The following NHS variants were observed in gnomAD, a reference collection of about 807,000 sequenced individuals.
NHS encodes the protein NHS actin remodeling regulator.
Under a neutral mutation model 72.5 loss-of-function variants are expected in NHS, and 5 were observed. The observed-to-expected ratio is 0.07, with a 90% CI of 0.04 to 0.14. The LOEUF (loss-of-function observed/expected upper bound fraction) is 0.14. Ranked by LOEUF, NHS falls within the 10% of genes least tolerant of loss-of-function variation. NHS has a pLI of 1.00. For synonymous variants in NHS, 464 were observed against 547.7 expected (o/e 0.85, Z 2.13); for missense variants, 1,072 against 1,355.7 (o/e 0.79, Z 3.29).
intron 1 of NHS, among the ~76,000 whole-genome samples, chrX:17,429,768 T>G (rs1364460936): frequency 9.0e-6 from 1 of 111,459 alleles, no homozygotes; most frequent in East Asian, 2.8e-4. Context: ...GCTGAGTTGC[T>G]GTTAGCATTA....
chrX:17,563,574 A>G (rs1391511373), intron 1 of NHS, among the ~76,000 whole-genome samples: 6 of 112,507 alleles, frequency 5.3e-5, no homozygotes, highest in Non-Finnish European at 9.4e-5. Flanking sequence ...GATGAAAGGT[A>G]TTGAAGAGGA....
chrX:17,469,192 C>T (rs1212872384), intron 1 of NHS, among the ~76,000 whole-genome samples: 2 of 111,788 alleles, frequency 1.8e-5, no homozygotes, highest in Non-Finnish European at 3.8e-5. Context: ...GTGAATAGAC[C>T]ACAATGTATT....
intron 1 of NHS, among the ~76,000 whole-genome samples, chrX:17,438,880 G>A (rs1231171550): frequency 9.1e-6 from 1 of 110,372 alleles, no homozygotes; most frequent in African/African-American, 3.3e-5. Context: ...ATGAGGCACT[G>A]GATACCATAT....
intron 1 of NHS, among the ~76,000 whole-genome samples, chrX:17,482,948 T>C (rs1307166094): frequency 3.6e-5 from 4 of 112,139 alleles, no homozygotes; most frequent in African/African-American, 1.3e-4. Context: ...ATCAGTGGCT[T>C]TCTTGATGTT....
At chrX:17,384,647 A>G (rs2064396167) in intron 1 of NHS, among the ~76,000 whole-genome samples, 1 of 112,333 alleles carries the variant, frequency 8.9e-6, no homozygotes, top group Non-Finnish European at 1.9e-5. Flanking sequence ...AAACGTCTTC[A>G]GTCTCAGCAC....
At chrX:17,529,621 A>G (rs113796363) in intron 1 of NHS, among the ~76,000 whole-genome samples, 4,915 of 111,639 alleles carry the variant, frequency 0.044, 295 homozygotes, top group African/African-American at 0.15. Flanking sequence ...AACAGCAGAA[A>G]ACAGAAATGA....
At chrX:17,639,265 C>T (rs1259811203) in intron 1 of NHS, among the ~76,000 whole-genome samples, 2 of 112,112 alleles carry the variant, frequency 1.8e-5, no homozygotes, top group African/African-American at 6.5e-5. Flanking sequence ...GGGAATTAGG[C>T]TTGGCTCTGA....
chrX:17,512,041 T>C (rs781010544), intron 1 of NHS, among the ~76,000 whole-genome samples: 78 of 112,049 alleles, frequency 7.0e-4, no homozygotes, highest in Admixed American at 6.9e-3. Context: ...TGCACAGTAA[T>C]AGTATGCTTG....
intron 1 of NHS, among the ~76,000 whole-genome samples, chrX:17,606,551 C>A (rs769565874): frequency 4.5e-5 from 5 of 112,081 alleles, no homozygotes; most frequent in South Asian, 7.5e-4. Flanking sequence ...AAAAATGACC[C>A]TGTTGATTTA....
intron 1 of NHS, among the ~76,000 whole-genome samples, chrX:17,514,281 T>G (rs1475758144): frequency 8.9e-6 from 1 of 112,519 alleles, no homozygotes; most frequent in Non-Finnish European, 1.9e-5. Context: ...AGACCTATCC[T>G]TAATCCAGTG....
rs181116618 is a variant in NHS at position 17,517,414 on chromosome X, G to T, written c.565+141092G>T. 4.3e-4 allele frequency among the ~76,000 whole-genome samples: 48 copies of T among 112,381 alleles called. No homozygotes were observed. In the East Asian group the frequency reaches 0.012, roughly 29 times the overall value. ...CAGGTTGAGAATCACTGGATTAAAT[G>T]ATCTGTAATTTTCCTCTAAGTCTTC... On this transcript the variant is annotated intron_variant, in intron 1 of 8. Coordinates refer to ENST00000676302, the MANE Select transcript of NHS (RefSeq NM_001291867.2).
intron 1 of NHS, among the ~76,000 whole-genome samples, chrX:17,496,782 G>A (rs1441007794): frequency 8.9e-6 from 1 of 111,834 alleles, no homozygotes; most frequent in African/African-American, 3.3e-5. Flanking sequence ...CAGGACTGTT[G>A]TCTTCCTCTA....
chrX:17,582,820 T>A (rs946935980), intron 1 of NHS, among the ~76,000 whole-genome samples: 2 of 112,562 alleles, frequency 1.8e-5, no homozygotes, highest in African/African-American at 6.5e-5. Flanking sequence ...CCAGATTGTA[T>A]AAGTGTGTGC....
In NHS at chrX:17,725,696, G is replaced by A. The variant is rs745701074; in HGVS notation, c.1590G>A (p.Glu530=). ...GCGCTAAACCCTCAGCATATGAAGA[G>A]GGAGAGTCTTTTGTGGGTGACCATG... ...KVGAKPSAYE[E]GESFVGDHER... is the part of the protein sequence containing the mutation. Residue 530 remains glutamate, a synonymous_variant, in exon 7 of 9, where the codon GAG becomes GAA. Transcript: ENST00000676302. 8.3e-7 allele frequency: 1 copy of A among 1,209,065 alleles called. No homozygotes were observed. Among genetic ancestry groups the A allele is most frequent in the African/African-American group, 1.8e-5 (1 of 56,780 alleles).
chrX:17,474,554 G>A (rs1452061799), intron 1 of NHS, among the ~76,000 whole-genome samples: 1 of 111,583 alleles, frequency 9.0e-6, no homozygotes, highest in African/African-American at 3.3e-5. Context: ...GGGAAGAGCT[G>A]AACCACCATG....
At chrX:17,544,018 A>G (rs2065277435) in intron 1 of NHS, among the ~76,000 whole-genome samples, 1 of 112,384 alleles carries the variant, frequency 8.9e-6, no homozygotes, top group Admixed American at 9.4e-5. Context: ...ATAGTCAGAA[A>G]ACCTAGATAA....
intron 1 of NHS, among the ~76,000 whole-genome samples, chrX:17,621,802 GC>G (rs2065775265): frequency 8.9e-6 from 1 of 111,931 alleles, no homozygotes; most frequent in Non-Finnish European, 1.9e-5. Context: ...GAGCCTGTGT[GC>G]AAGCCTGGGT....
chrX:17,585,738 G>GTAATAATAATAATAATAA (rs548692975), intron 1 of NHS, among the ~76,000 whole-genome samples: 8 of 101,235 alleles, frequency 7.9e-5, no homozygotes, highest in African/African-American at 3.1e-4. Context: ...AAAAATAATA[G>GTAATAATAATAATAATAA]TAATAATAAT....
At chrX:17,605,870 C>T (rs1427142054) in intron 1 of NHS, among the ~76,000 whole-genome samples, 2 of 112,006 alleles carry the variant, frequency 1.8e-5, no homozygotes, top group Non-Finnish European at 3.8e-5. Context: ...CTCTGTTGCC[C>T]TGGAAACGTG....
Sources: gnomAD v4.1 joint callset for allele counts (sites outside exome capture counted in the v4.1 genomes callset) on GRCh38, gnomAD v4.1.1 for gene constraint, MANE v1.5 for transcripts, NCBI Gene and HGNC (gene_info 2026-07-23, HGNC 2026-07-21) for gene names.